Variants in TUBA4A observed in about 807,000 individuals in gnomAD.
TUBA4A encodes the protein tubulin alpha-4A chain.
In TUBA4A, 23 loss-of-function variants were observed where a neutral mutation model predicts 34.3. The observed-to-expected ratio is 0.67, with a 90% CI of 0.48 to 0.95. The LOEUF (loss-of-function observed/expected upper bound fraction) is 0.95. Ranked by LOEUF, TUBA4A falls within the 40% of genes least tolerant of loss-of-function variation. TUBA4A has a pLI of 0.00. For missense variants in TUBA4A, 279 were observed against 599.0 expected, an observed-to-expected ratio of 0.47 and a Z score of 5.58; for synonymous variants, 216 against 230.5, an observed-to-expected ratio of 0.94 and a Z score of 0.57.
chr2:219,252,119 C>T lies in TUBA4A; in HGVS notation c.115G>A (p.Asp39Asn). ...TCGTCCCCTCCACCAATGGTCTTGT[C>T]ACTGGGCATCTGCCCATCAGGCTGA... Reference protein sequence around the residue: ...GIQPDGQMPSDKTIGGGDDSF... With the variant: ...GIQPDGQMPSNKTIGGGDDSF... The change falls in exon 2 of 4, where the codon GAC becomes AAC. Residue 39 changes from aspartate (D) to asparagine (N), a missense_variant. By Grantham distance (23) the Asp-to-Asn change is conservative. Transcript: ENST00000248437. This position sits in a 1 kb window ranked among gnomAD's most constrained non-coding sequence, Gnocchi z 4.1. 3.1e-6 allele frequency: 5 copies of T among 1,614,212 alleles called. No homozygotes were observed. The highest frequency in any genetic ancestry group is 4.2e-6 in the Non-Finnish European group (5 of 1,180,022).
intron 1 of TUBA4A, chr2:219,253,431 C>G: frequency 6.6e-7 from 1 of 1,507,218 alleles, no homozygotes; most frequent in East Asian, 2.5e-5. Context: ...TAACCTGACC[C>G]CTTCCACCTT....
Position 219,251,972 on chromosome 2 carries a change from T to C in TUBA4A, c.226+36A>G. The C allele has an allele frequency of 6.3e-7, 1 of 1,597,090 alleles. No individual in the cohort carries two copies. Among genetic ancestry groups the C allele is most frequent in the South Asian group, 1.1e-5 (1 of 90,528 alleles). On this transcript the variant is annotated intron_variant, in intron 2 of 3. Coordinates refer to ENST00000248437, the MANE Select transcript of TUBA4A (RefSeq NM_006000.3). The surrounding 1 kb of genome is among the most constrained non-coding windows in gnomAD (Gnocchi z 6.1). ...TCCAGGGAGAAGCTTTGAGTCATGC[T>C]CCACCCCCTTCAATTTTGTCCCCAC...
intron 1 of TUBA4A, chr2:219,253,364 G>T: frequency 2.0e-6 from 3 of 1,533,678 alleles, no homozygotes; most frequent in South Asian, 2.4e-5. Context: ...CGGGGGGGGG[G>T]TGGTTCTGTG....
At chr2:219,253,950 C>CGG (rs3051654), upstream of TUBA4A, 73 of 509,066 alleles carry the variant, frequency 1.4e-4, no homozygotes, top group African/African-American at 4.6e-4. Context: ...CCCTTATAGG[C>CGG]GGGGGGGGGG....
In TUBA4A at chr2:219,250,530, C is replaced by A; in HGVS notation, c.1169G>T (p.Arg390Leu). 1 of 1,614,200 alleles carries A rather than the reference C, an allele frequency of 6.2e-7. No individual in the cohort carries two copies. Among genetic ancestry groups the A allele is most frequent in the Non-Finnish European group, 8.5e-7 (1 of 1,180,036 alleles). ...NTTAIAEAWA[R>L]LDHKFDLMYA... ...CATCAGGTCGAACTTGTGGTCCAGGCGGGCCCAGGCCTCGGCGATGGCGGT... is the reference window on the plus strand; with the variant it reads ...CATCAGGTCGAACTTGTGGTCCAGGAGGGCCCAGGCCTCGGCGATGGCGGT... Residue 390 changes from arginine (R) to leucine (L), a missense_variant, in exon 4 of 4, where the codon CGC becomes CTC. Arg to Leu is a moderately radical substitution (Grantham distance 102). Coordinates refer to ENST00000248437, the MANE Select transcript of TUBA4A (RefSeq NM_006000.3). The surrounding 1 kb of genome is among the most constrained non-coding windows in gnomAD (Gnocchi z 8.4).
At position 219,250,342 on chromosome 2, in the gene TUBA4A, G is replaced by C. The variant is rs1369503712; in HGVS notation, c.*10C>G. ...CAATAAACATAGTGAATAGGCTCCA[G>C]GCAGCTGCTTTATTCTTCTCCCTCA... On this transcript the variant is annotated 3_prime_UTR_variant, in exon 4 of 4. Transcript: ENST00000248437. This position sits in a 1 kb window ranked among gnomAD's most constrained non-coding sequence, Gnocchi z 8.4. 6.2e-7 allele frequency: 1 copy of C among 1,601,350 alleles called. No individual in the cohort carries two copies. Among genetic ancestry groups the C allele is most frequent in the South Asian group, 1.1e-5 (1 of 90,258 alleles).
At position 219,252,415 on chromosome 2, in the gene TUBA4A, C is replaced by A. The variant is rs914693047; in HGVS notation, c.4-185G>T. Among the ~76,000 whole-genome samples, 3 of 152,210 alleles carry A rather than the reference C, an allele frequency of 2.0e-5. No individual in the cohort carries two copies. Among genetic ancestry groups the A allele is most frequent in the African/African-American group, 7.2e-5 (3 of 41,530 alleles). ...CCGGGCTCCCAGGTACAGGACTCCCCACCTGGAGGCACCCAGCAATGCAGG... is the reference window on the plus strand; with the variant it reads ...CCGGGCTCCCAGGTACAGGACTCCCAACCTGGAGGCACCCAGCAATGCAGG... On this transcript the variant is annotated intron_variant, in intron 1 of 3. Transcript: ENST00000248437. The surrounding 1 kb of genome is among the most constrained non-coding windows in gnomAD (Gnocchi z 4.1).
intron 1 of TUBA4A, chr2:219,253,206 A>G (rs1693475704): frequency 2.7e-6 from 4 of 1,494,018 alleles, no homozygotes; most frequent in African/African-American, 1.4e-5. Flanking sequence ...CCCTCCCCCC[A>G]ACCTGGCCTC....
chr2:219,253,135 G>T lies in TUBA4A; in HGVS notation c.3+721C>A. On this transcript the variant is annotated intron_variant, in intron 1 of 3. Transcript: ENST00000248437. ...ACAGTTATTTCCCAGCCCAAAGCGGGGATTGGGTTTCGGCCCCCGCTCCTG... is the reference window on the plus strand; with the variant it reads ...ACAGTTATTTCCCAGCCCAAAGCGGTGATTGGGTTTCGGCCCCCGCTCCTG... The T allele has an allele frequency of 2.6e-6, 4 of 1,510,760 alleles. No individual in the cohort carries two copies. In the Admixed American group the frequency reaches 8.0e-5, roughly 30 times the overall value. The allele number at this position is 1,510,760 out of a possible 1,614,324, so 93.6% of individuals were successfully genotyped here.
Position 219,253,566 on chromosome 2 carries a change from G to C in TUBA4A, c.3+290C>G, listed in dbSNP as rs1951684727. The C allele has an allele frequency of 5.2e-6, 4 of 766,536 alleles. No homozygotes were observed. The South Asian group carries it at 6.3e-5, about 12-fold the overall frequency. The allele number at this position is 766,536 out of a possible 1,614,324, so 47.5% of individuals were successfully genotyped here. On this transcript the variant is annotated intron_variant, in intron 1 of 3. Transcript: ENST00000248437. ...CGCGGGCCCGCGTGACTCTCATACA[G>C]AGTCGGGACACAAATGCTCGTAAGG...
intron 1 of TUBA4A, among the ~76,000 whole-genome samples, 161 bp downstream of exon 1, chr2:219,253,693 CAA>C (rs1951687199): frequency 6.6e-6 from 1 of 152,226 alleles, no homozygotes; most frequent in Non-Finnish European, 1.5e-5. Context: ...ACGGCTCGGC[CAA>C]AGTCACCAGG....
In TUBA4A at chr2:219,252,268, C is replaced by T. The variant is rs1373411995; in HGVS notation, c.4-38G>A. 6.4e-7 allele frequency: 1 copy of T among 1,561,352 alleles called. No individual in the cohort carries two copies. Among genetic ancestry groups the T allele is most frequent in the African/African-American group, 1.4e-5 (1 of 73,918 alleles). ...GAGAGGGGACACAGCATGAGCCCCA[C>T]ATCCACAAGTCCTCACCTTGCGAGT... On this transcript the variant is annotated intron_variant, in intron 1 of 3. Coordinates refer to ENST00000248437, the MANE Select transcript of TUBA4A (RefSeq NM_006000.3). This position sits in a 1 kb window ranked among gnomAD's most constrained non-coding sequence, Gnocchi z 4.1.
Position 219,250,262 on chromosome 2 carries a change from A to T in TUBA4A, c.*90T>A. 1 of 1,519,998 alleles carries T rather than the reference A, an allele frequency of 6.6e-7. No individual in the cohort carries two copies. Among genetic ancestry groups the T allele is most frequent in the Admixed American group, 2.1e-5 (1 of 48,330 alleles). The allele number at this position is 1,519,998 out of a possible 1,614,324, so 94.2% of individuals were successfully genotyped here. ...AGGGGAAGGCAGCAGAAGCTCAAGC[A>T]CTCAGAGGGAACAAGAAACCGTGCA... is the stretch of plus-strand genomic sequence containing the variant. On this transcript the variant is annotated 3_prime_UTR_variant, in exon 4 of 4. Coordinates refer to ENST00000248437, the MANE Select transcript of TUBA4A (RefSeq NM_006000.3). This position sits in a 1 kb window ranked among gnomAD's most constrained non-coding sequence, Gnocchi z 8.4.
At position 219,252,157 on chromosome 2, in the gene TUBA4A, A is replaced by G; in HGVS notation, c.77T>C (p.Leu26Ser). 6 of 1,614,190 alleles carry G rather than the reference A, an allele frequency of 3.7e-6. No homozygotes were observed. The highest frequency in any genetic ancestry group is 5.1e-6 in the Non-Finnish European group (6 of 1,180,032). ...MGNACWELYC[L>S]EHGIQPDGQM... ...CCCATCAGGCTGAATCCCATGTTCCAAGCAATAGAGCTCCCAGCAGGCATT... is the reference window on the plus strand; with the variant it reads ...CCCATCAGGCTGAATCCCATGTTCCGAGCAATAGAGCTCCCAGCAGGCATT... The change falls in exon 2 of 4, where the codon TTG becomes TCG. Residue 26 changes from leucine to serine, a missense_variant. By Grantham distance (145) the Leu-to-Ser change is moderately radical (BLOSUM62 -2). Transcript: ENST00000248437. This position sits in a 1 kb window ranked among gnomAD's most constrained non-coding sequence, Gnocchi z 4.1.
chr2:219,252,518 A>G lies in TUBA4A; in HGVS notation c.4-288T>C, dbSNP rs1198774996. On this transcript the variant is annotated intron_variant, in intron 1 of 3. Coordinates refer to ENST00000248437, the MANE Select transcript of TUBA4A (RefSeq NM_006000.3). This position sits in a 1 kb window ranked among gnomAD's most constrained non-coding sequence, Gnocchi z 4.1. Reference sequence around the variant, plus strand: ...CTCCACATGACAAAAGGTTTCCTAGAGGTATGGGTTTACAGCTAGAGGCCC... The same window carrying G: ...CTCCACATGACAAAAGGTTTCCTAGGGGTATGGGTTTACAGCTAGAGGCCC... Among the ~76,000 whole-genome samples, 1 of 151,248 alleles carries G rather than the reference A, an allele frequency of 6.6e-6. No individual in the cohort carries two copies. Among genetic ancestry groups the G allele is most frequent in the Non-Finnish European group, 1.5e-5 (1 of 67,906 alleles).
rs751956944 is a variant in TUBA4A, at chr2:219,252,984, G to C, written c.4-754C>G. 1 of 542,514 alleles carries C rather than the reference G, an allele frequency of 1.8e-6. No individual in the cohort carries two copies. Among genetic ancestry groups the C allele is most frequent in the South Asian group, 1.5e-5 (1 of 65,754 alleles). 33.6% of individuals were successfully genotyped at this position (542,514 alleles called of 1,614,324 possible). ...CCCACACCGAAATGGCGGGGTGACG[G>C]TTTCCAAATACCCAGAAAGGAAGTG... On this transcript the variant is annotated intron_variant, in intron 1 of 3. Transcript: ENST00000248437. This position sits in a 1 kb window ranked among gnomAD's most constrained non-coding sequence, Gnocchi z 4.1.
intron 1 of TUBA4A, chr2:219,253,372 G>C: frequency 6.5e-7 from 1 of 1,534,500 alleles, no homozygotes; most frequent in Non-Finnish European, 8.7e-7. Flanking sequence ...GGGTGGTTCT[G>C]TGGATAGTTG....
intron 1 of TUBA4A, chr2:219,253,080 C>T: frequency 7.6e-7 from 1 of 1,309,234 alleles, no homozygotes; most frequent in Non-Finnish European, 1.1e-6. Context: ...TGCAGCCCAG[C>T]CCTACATCCG....
rs762662180 is a variant in TUBA4A, at chr2:219,250,804, C to T, written c.895G>A (p.Ala299Thr). The T allele has an allele frequency of 3.7e-6, 6 of 1,614,120 alleles. No homozygotes were observed. The African/African-American group carries it at 6.7e-5, about 18-fold the overall frequency. ...AEITNACFEP[A>T]NQMVKCDPRH... ...GGATCACACTTTACCATCTGGTTGG[C>T]AGGCTCAAAGCAGGCATTGGTGATC... is the stretch of plus-strand genomic sequence containing the variant. The change falls in exon 4 of 4, where the codon GCC becomes ACC. Residue 299 changes from alanine to threonine, a missense_variant. Physicochemically the swap from Ala to Thr is moderately conservative, Grantham distance 58 (BLOSUM62 0). This residue lies in a region of TUBA4A where 108 missense variants were observed against 299.9 expected (regional missense o/e 0.36). Coordinates refer to ENST00000248437, the MANE Select transcript of TUBA4A (RefSeq NM_006000.3). This position sits in a 1 kb window ranked among gnomAD's most constrained non-coding sequence, Gnocchi z 8.4.
Sources: gnomAD v4.1 joint callset for allele counts (sites outside exome capture counted in the v4.1 genomes callset) on GRCh38, gnomAD v4.1.1 for gene constraint, gnomAD v4.1.1 regional missense constraint, Gnocchi (gnomAD v3.1) non-coding constraint, MANE v1.5 for transcripts, NCBI Gene and HGNC (gene_info 2026-07-23, HGNC 2026-07-21) for gene names.